Variants in SLC14A2 observed in about 807,000 individuals in gnomAD.
SLC14A2 encodes the protein solute carrier family 14 member 2.
SLC14A2 carries 91 observed loss-of-function variants against 104.6 expected under a neutral mutation model. The ratio of observed to expected loss-of-function variants is 0.87; its 90% CI spans 0.73 to 1.04. The LOEUF (loss-of-function observed/expected upper bound fraction) is 1.04, where lower values mean the gene tolerates loss of function less well. SLC14A2 is among the 50% of genes least tolerant of loss of function. SLC14A2 has a pLI of 0.00. For synonymous variants in SLC14A2, 476 were observed against 466.4 expected (o/e 1.02, Z -0.27); for missense variants, 1,189 against 1,156.0 (o/e 1.03, Z -0.41).
At chr18:45,264,405 T>C (rs1370397417) in intron 1 of SLC14A2, among the ~76,000 whole-genome samples, 12 of 152,238 alleles carry the variant, frequency 7.9e-5, no homozygotes, top group Admixed American at 7.9e-4. Flanking sequence ...CCCATACTCT[T>C]TTGAGAAATA....
chr18:45,347,939 T>C (rs1181969695), intron 1 of SLC14A2, among the ~76,000 whole-genome samples: 1 of 152,246 alleles, frequency 6.6e-6, no homozygotes, highest in Non-Finnish European at 1.5e-5. Flanking sequence ...ACTTTATCTA[T>C]GTCCACACAT....
chr18:45,377,401 A>G (rs556807479), intron 1 of SLC14A2, among the ~76,000 whole-genome samples: 1 of 152,102 alleles, frequency 6.6e-6, no homozygotes. Context: ...AATCCCCAGT[A>G]CTAATCCCAA....
In SLC14A2 at chr18:45,350,769, A is replaced by G. The variant is rs1257609034; in HGVS notation, c.-124-132464A>G. On this transcript the variant is annotated intron_variant, in intron 1 of 20. Transcript: ENST00000586448. ...ATCACAAGGAAAAGATTTATCCAGG[A>G]AAAAAAAAAAAGCTCCCTGAGACAC... is the stretch of plus-strand genomic sequence containing the variant. Among the ~76,000 whole-genome samples, 3 of 139,804 alleles carry G rather than the reference A, an allele frequency of 2.1e-5. No homozygotes were observed. The South Asian group carries it at 6.7e-4, about 31-fold the overall frequency. 91.7% of individuals were successfully genotyped at this position (139,804 alleles called of 152,430 possible).
chr18:45,503,456 T>C (rs1400577145), intron 2 of SLC14A2, among the ~76,000 whole-genome samples: 1 of 152,220 alleles, frequency 6.6e-6, no homozygotes, highest in Non-Finnish European at 1.5e-5. Flanking sequence ...ACTCAGTGTC[T>C]GGTTCTTATT....
the SLC14A2 span, among the ~76,000 whole-genome samples, chr18:45,174,239 A>G: frequency 6.6e-6 from 1 of 152,080 alleles, no homozygotes; most frequent in Non-Finnish European, 1.5e-5. Flanking sequence ...CAGCATCTCT[A>G]TTAAGAATGA....
chr18:45,176,617 T>G, the SLC14A2 span, among the ~76,000 whole-genome samples: 1 of 152,184 alleles, frequency 6.6e-6, no homozygotes, highest in Non-Finnish European at 1.5e-5. Flanking sequence ...GCTAACAAAA[T>G]GTCTTATTTG....
At chr18:45,299,305 G>C (rs1342915191) in intron 1 of SLC14A2, among the ~76,000 whole-genome samples, 2 of 152,216 alleles carry the variant, frequency 1.3e-5, no homozygotes, top group South Asian at 2.1e-4. Flanking sequence ...GAGAATTAGA[G>C]AGCAATGCTT....
chr18:45,639,207 C>T (rs969681197), intron 6 of SLC14A2, among the ~76,000 whole-genome samples: 15 of 152,264 alleles, frequency 9.9e-5, no homozygotes, highest in Middle Eastern at 3.4e-3. Context: ...CCAAAGAGGA[C>T]GTGTCAGCAG....
At chr18:45,269,216 A>T (rs1040955796) in intron 1 of SLC14A2, among the ~76,000 whole-genome samples, 2 of 152,154 alleles carry the variant, frequency 1.3e-5, no homozygotes, top group African/African-American at 4.8e-5. Flanking sequence ...GCTGGATTTC[A>T]GTTGTGCTAG....
intron 18 of SLC14A2, among the ~76,000 whole-genome samples, chr18:45,675,709 ATTTTTTTTT>A (rs71177687): frequency 1.3e-5 from 1 of 78,396 alleles, no homozygotes; most frequent in African/African-American, 4.9e-5. Context: ...ATATATATAT[ATTTTTTTTT>A]TTTTTTTTTT....
At chr18:45,662,466 C>T (rs2045951154) in intron 10 of SLC14A2, among the ~76,000 whole-genome samples, 1 of 152,166 alleles carries the variant, frequency 6.6e-6, no homozygotes, top group Non-Finnish European at 1.5e-5. Flanking sequence ...CACGAATCAG[C>T]TGGAGATCTT....
chr18:45,581,908 G>A (rs2044498371), intron 2 of SLC14A2, among the ~76,000 whole-genome samples: 1 of 152,130 alleles, frequency 6.6e-6, no homozygotes, highest in Non-Finnish European at 1.5e-5. Context: ...TCAGCCTGGT[G>A]AATAAGCTCT....
rs1268941375 is a variant in SLC14A2, at chr18:45,682,827, G to T, written c.*308G>T. The T allele has an allele frequency of 3.1e-6, 1 of 318,348 alleles. No individual in the cohort carries two copies. Among genetic ancestry groups the T allele is most frequent in the South Asian group, 3.1e-5 (1 of 32,762 alleles). The allele number at this position is 318,348 out of a possible 1,614,324, so 19.7% of individuals were successfully genotyped here. On this transcript the variant is annotated 3_prime_UTR_variant, in exon 20 of 20. Coordinates refer to ENST00000255226, the MANE Select transcript of SLC14A2 (RefSeq NM_007163.4). Reference sequence around the variant, plus strand: ...GAGAAGTCACCGGCCGGGCACGGTGGCTCACGCCTGTAATCCCAGCACTTT... The same window carrying T: ...GAGAAGTCACCGGCCGGGCACGGTGTCTCACGCCTGTAATCCCAGCACTTT...
intron 10 of SLC14A2, among the ~76,000 whole-genome samples, chr18:45,656,214 C>T (rs2045833727): frequency 6.6e-6 from 1 of 152,194 alleles, no homozygotes; most frequent in African/African-American, 2.4e-5. Context: ...TGGAATCATC[C>T]ATATGGCCAA....
At chr18:45,589,108 T>C (rs1568288268) in intron 2 of SLC14A2, among the ~76,000 whole-genome samples, 1 of 152,210 alleles carries the variant, frequency 6.6e-6, no homozygotes, top group South Asian at 2.1e-4. Flanking sequence ...TGGCACATAT[T>C]TATGGCAGAT....
At chr18:45,612,791 T>C (rs755478573), upstream of SLC14A2, among the ~76,000 whole-genome samples, 1 of 152,208 alleles carries the variant, frequency 6.6e-6, no homozygotes, top group African/African-American at 2.4e-5. Flanking sequence ...GACTGGATCA[T>C]GGGGGCAGCT....
chr18:45,653,236 C>T (rs1349031506), intron 10 of SLC14A2, among the ~76,000 whole-genome samples: 1 of 152,080 alleles, frequency 6.6e-6, no homozygotes, highest in East Asian at 1.9e-4. Flanking sequence ...CCCACCACTC[C>T]TTGGAATGTG....
chr18:45,368,312 C>T (rs1457543295), intron 1 of SLC14A2, among the ~76,000 whole-genome samples: 1 of 152,134 alleles, frequency 6.6e-6, no homozygotes, highest in Non-Finnish European at 1.5e-5. Context: ...ATAGAAAAAG[C>T]ATGAGTTGAG....
intron 1 of SLC14A2, among the ~76,000 whole-genome samples, chr18:45,305,237 G>A (rs2085007167): frequency 6.6e-6 from 1 of 152,212 alleles, no homozygotes; most frequent in Non-Finnish European, 1.5e-5. Context: ...TGTGGGTTAA[G>A]GAAGCAGTCT....
Sources: allele counts gnomAD v4.1 joint callset (sites outside exome capture counted in the v4.1 genomes callset), GRCh38; gene constraint gnomAD v4.1.1; transcripts MANE v1.5; gene names NCBI Gene and HGNC (gene_info 2026-07-23, HGNC 2026-07-21).